The following CADM2 variants were observed in gnomAD, a reference collection of about 807,000 sequenced individuals.
CADM2 encodes the protein immunoglobulin superfamily member 4D.
Under a neutral mutation model 49.8 loss-of-function variants are expected in CADM2, and 12 were observed. The ratio of observed to expected loss-of-function variants is 0.24; its 90% CI spans 0.15 to 0.39. The LOEUF (loss-of-function observed/expected upper bound fraction) is 0.39, where lower values mean the gene tolerates loss of function less well. Among genes scored for constraint, CADM2 ranks in the 10% least tolerant of loss-of-function variants. The probability of loss-of-function intolerance (pLI) is 1.00; values close to 1 mark genes in which losing one functional copy is unlikely to be tolerated. For missense variants in CADM2, 378 were observed against 492.3 expected (o/e 0.77, Z 2.20); for synonymous variants, 214 against 175.4 (o/e 1.22, Z -1.74).
chr3:84,962,286 AAG>A, intron 1 of CADM2, among the ~76,000 whole-genome samples: 1 of 151,820 alleles, frequency 6.6e-6, no homozygotes, highest in South Asian at 2.1e-4. Context: ...AAAAAAAAAA[AAG>A]AAAGAAAGAG....
intron 1 of CADM2, among the ~76,000 whole-genome samples, chr3:85,624,669 C>A (rs1230653218): frequency 6.6e-6 from 1 of 152,058 alleles, no homozygotes; most frequent in Non-Finnish European, 1.5e-5. Flanking sequence ...ATCATACAAG[C>A]TAGTCTTTAC....
In CADM2 at chr3:86,069,223, G is replaced by C. The variant is rs1739629940; in HGVS notation, c.*2440G>C. 6.6e-6 allele frequency: 1 copy of C among 151,814 alleles called. No homozygotes were observed. Among genetic ancestry groups the C allele is most frequent in the Non-Finnish European group, 1.5e-5 (1 of 67,858 alleles). The allele number at this position is 151,814 out of a possible 1,614,324, so 9.4% of individuals were successfully genotyped here. On this transcript the variant is annotated 3_prime_UTR_variant, in exon 10 of 10. Transcript: ENST00000383699. The stretch of plus-strand genomic sequence containing the variant: ...TAACTCAATCATTATTTATAGCACT[G>C]TAAAATTAGAAATCCAAAATTGGTT...
chr3:85,380,835 A>G (rs2033861282), intron 1 of CADM2, among the ~76,000 whole-genome samples: 1 of 152,038 alleles, frequency 6.6e-6, no homozygotes, highest in African/African-American at 2.4e-5. Context: ...AAGGAGCTGT[A>G]AAAAGTATAT....
At chr3:85,093,007 ACTTTC>A (rs1029925938) in intron 1 of CADM2, among the ~76,000 whole-genome samples, 5 of 152,034 alleles carry the variant, frequency 3.3e-5, no homozygotes, top group Non-Finnish European at 5.9e-5. Context: ...AAACTTTTCT[ACTTTC>A]TGTAATATTC....
At chr3:85,394,885 C>T (rs187737587) in intron 1 of CADM2, among the ~76,000 whole-genome samples, 2 of 152,254 alleles carry the variant, frequency 1.3e-5, no homozygotes, top group Admixed American at 1.3e-4. Flanking sequence ...ATGTGTCTCT[C>T]ATGCAAAGAC....
At chr3:85,007,221 G>T (rs1006369035) in intron 1 of CADM2, among the ~76,000 whole-genome samples, 23 of 152,104 alleles carry the variant, frequency 1.5e-4, no homozygotes, top group Admixed American at 3.9e-4. Context: ...ATTCAAGCTT[G>T]TAGTGATGCA....
At chr3:85,453,629 T>C (rs2037853634) in intron 1 of CADM2, among the ~76,000 whole-genome samples, 1 of 152,114 alleles carries the variant, frequency 6.6e-6, no homozygotes, top group African/African-American at 2.4e-5. Context: ...AATGACAGAA[T>C]GGAAAATTAC....
At position 85,661,343 on chromosome 3, in the gene CADM2, A is replaced by AT. The variant is rs1193120457; in HGVS notation, c.62-65173dup. Among the ~76,000 whole-genome samples, 4 of 151,964 alleles carry AT rather than the reference A, an allele frequency of 2.6e-5. No homozygotes were observed. The East Asian group carries it at 7.8e-4, about 30-fold the overall frequency. On this transcript the variant is annotated intron_variant, in intron 1 of 9. Coordinates refer to ENST00000383699, the MANE Select transcript of CADM2 (RefSeq NM_001167675.2). ...TCTGGGGAATGCTATCTGATTATGG[A>AT]TTTTTTAATTTGGGAGTAAATGAGA...
At chr3:85,892,000 T>A (rs561411974) in intron 5 of CADM2, among the ~76,000 whole-genome samples, 1 of 152,294 alleles carries the variant, frequency 6.6e-6, no homozygotes, top group Admixed American at 6.5e-5. Flanking sequence ...ATTAGGAAAC[T>A]GAGATCTAGA....
intron 6 of CADM2, among the ~76,000 whole-genome samples, chr3:85,922,021 T>A (rs915916856): frequency 6.6e-6 from 1 of 152,176 alleles, no homozygotes; most frequent in Non-Finnish European, 1.5e-5. Context: ...TGTAGTTTGA[T>A]ACTGTGTCTT....
At chr3:85,362,257 C>G (rs1423341141) in intron 1 of CADM2, among the ~76,000 whole-genome samples, 1 of 152,184 alleles carries the variant, frequency 6.6e-6, no homozygotes, top group African/African-American at 2.4e-5. Context: ...TGTCTCCAAA[C>G]AGTTCTACTT....
intron 1 of CADM2, among the ~76,000 whole-genome samples, chr3:85,048,567 A>G (rs2035755900): frequency 6.6e-6 from 1 of 152,140 alleles, no homozygotes; most frequent in Non-Finnish European, 1.5e-5. Context: ...AAGCCTAGGT[A>G]CCCTTAGGAC....
chr3:85,723,187 A>G (rs927571165), intron 1 of CADM2, among the ~76,000 whole-genome samples: 1 of 152,130 alleles, frequency 6.6e-6, no homozygotes, highest in Non-Finnish European at 1.5e-5. Context: ...ATTATAACGA[A>G]CAATCTCTGA....
At chr3:85,362,893 C>T (rs982066870) in intron 1 of CADM2, among the ~76,000 whole-genome samples, 4 of 152,100 alleles carry the variant, frequency 2.6e-5, no homozygotes, top group African/African-American at 9.7e-5. Context: ...AAAGGCATAT[C>T]AAAATTCAAA....
At chr3:85,850,231 A>C (rs968682167) in intron 3 of CADM2, among the ~76,000 whole-genome samples, 2 of 152,064 alleles carry the variant, frequency 1.3e-5, no homozygotes, top group Admixed American at 6.6e-5. Context: ...GTTACGGCAA[A>C]ACAAGTTATG....
chr3:85,528,493 A>G (rs2061222877), intron 1 of CADM2, among the ~76,000 whole-genome samples: 2 of 152,188 alleles, frequency 1.3e-5, no homozygotes, highest in African/African-American at 4.8e-5. Context: ...TTGTGTTCCA[A>G]TCTTCTTACA....
At chr3:85,270,285 A>G (rs1040208831) in intron 1 of CADM2, among the ~76,000 whole-genome samples, 3 of 151,348 alleles carry the variant, frequency 2.0e-5, no homozygotes, top group African/African-American at 7.3e-5. Flanking sequence ...ATAAAGAATC[A>G]AGGAAAATCT....
intron 1 of CADM2, among the ~76,000 whole-genome samples, chr3:85,248,053 T>G (rs552368356): frequency 4.1e-4 from 62 of 152,284 alleles, no homozygotes; most frequent in African/African-American, 1.5e-3. Context: ...AGATTGTGCA[T>G]CATATTTTCA....
intron 1 of CADM2, among the ~76,000 whole-genome samples, chr3:85,300,712 T>C (rs556637977): frequency 2.6e-4 from 39 of 152,136 alleles, no homozygotes; most frequent in Admixed American, 9.8e-4. Context: ...TTCATATCTG[T>C]ACAATAAAAC....
Sources: gnomAD v4.1 joint callset for allele counts (sites outside exome capture counted in the v4.1 genomes callset) on GRCh38, gnomAD v4.1.1 for gene constraint, MANE v1.5 for transcripts, NCBI Gene and HGNC (gene_info 2026-07-23, HGNC 2026-07-21) for gene names.